Variants in DMD observed in about 807,000 individuals in gnomAD.
DMD encodes dystrophin.
DMD carries 63 observed loss-of-function variants against 330.1 expected under a neutral mutation model. The ratio of observed to expected loss-of-function variants is 0.19; its 90% confidence interval spans 0.16 to 0.24. The LOEUF (loss-of-function observed/expected upper bound fraction) is 0.24, where lower values mean the gene tolerates loss of function less well. Ranked by LOEUF, DMD falls within the 10% of genes least tolerant of loss-of-function variation. DMD has a pLI of 1.00. For missense variants in DMD, 3,344 were observed against 2,684.1 expected (o/e 1.25, Z -5.43); for synonymous variants, 1,223 against 959.8 (o/e 1.27, Z -5.07).
intron 44 of DMD, among the ~76,000 whole-genome samples, chrX:32,043,680 T>G (rs1603623002): frequency 9.0e-6 from 1 of 111,561 alleles, no homozygotes; most frequent in East Asian, 2.8e-4. Context: ...TTAGATCAAT[T>G]TGAGAGAAAA....
intron 1 of DMD, among the ~76,000 whole-genome samples, chrX:33,268,114 C>G (rs1387834127): frequency 3.7e-5 from 4 of 109,272 alleles, no homozygotes; most frequent in Non-Finnish European, 7.6e-5. Context: ...CTCAGCCTCC[C>G]AAGTAGCTGG....
At chrX:32,104,670 A>T (rs1484573184) in intron 44 of DMD, among the ~76,000 whole-genome samples, 1 of 112,034 alleles carries the variant, frequency 8.9e-6, no homozygotes. Context: ...ATTTTAAAAT[A>T]CTTTGAAACG....
chrX:32,703,284 T>A (rs183872734), intron 7 of DMD, among the ~76,000 whole-genome samples: 15 of 111,800 alleles, frequency 1.3e-4, no homozygotes, highest in Admixed American at 3.8e-4. Context: ...TAAGATGTTA[T>A]GAAGCCCAAA....
At chrX:31,122,080 TTTTTCACCAGTTTCCA>T in intron 78 of DMD, 150 bp from the exon 79 acceptor site, 1 of 488,762 alleles carries the variant, frequency 2.0e-6, no homozygotes, top group Non-Finnish European at 3.5e-6. Context: ...CAAGGTTTGA[TTTTTCACCAGTTTCCA>T]GGAAGAAGCA....
intron 74 of DMD, among the ~76,000 whole-genome samples, chrX:31,160,767 AAC>A (rs1206533640): frequency 2.7e-5 from 3 of 111,704 alleles, no homozygotes; most frequent in African/African-American, 6.5e-5. Context: ...CATTTTAGGC[AAC>A]AGTGACCTTT....
At chrX:32,172,683 A>G (rs1206982044) in intron 44 of DMD, among the ~76,000 whole-genome samples, 6 of 111,923 alleles carry the variant, frequency 5.4e-5, no homozygotes, top group African/African-American at 1.6e-4. Context: ...GATTTTGCCC[A>G]TATGCCTAAC....
At chrX:32,732,920 C>A (rs774630444) in intron 7 of DMD, among the ~76,000 whole-genome samples, 5 of 110,967 alleles carry the variant, frequency 4.5e-5, no homozygotes, top group Non-Finnish European at 9.4e-5. Context: ...CAATATTAAC[C>A]TTAAATGTAA....
intron 53 of DMD, among the ~76,000 whole-genome samples, chrX:31,668,294 G>A (rs959944738): frequency 2.7e-5 from 3 of 110,320 alleles, no homozygotes; most frequent in Admixed American, 9.7e-5. Flanking sequence ...TGTATTTTTC[G>A]GTTACTTTTG....
intron 1 of DMD, among the ~76,000 whole-genome samples, chrX:33,124,847 A>G (rs1422216861): frequency 3.7e-5 from 4 of 108,199 alleles, no homozygotes; most frequent in African/African-American, 1.3e-4. Flanking sequence ...CAACATGGAG[A>G]AACTCCGTCT....
chrX:32,146,345 A>T (rs1268401458), intron 44 of DMD, among the ~76,000 whole-genome samples: 1 of 111,544 alleles, frequency 9.0e-6, no homozygotes, highest in Non-Finnish European at 1.9e-5. Flanking sequence ...AGACAGGGAG[A>T]GGGAGAGGGA....
At chrX:32,731,098 G>A (rs1052509634) in intron 7 of DMD, among the ~76,000 whole-genome samples, 13 of 112,139 alleles carry the variant, frequency 1.2e-4, no homozygotes, top group African/African-American at 4.2e-4. Context: ...GCCTCACTCG[G>A]GAAGTGCAAG....
intron 54 of DMD, among the ~76,000 whole-genome samples, chrX:31,631,833 GC>G (rs2079149101): frequency 8.9e-6 from 1 of 111,774 alleles, no homozygotes; most frequent in Non-Finnish European, 1.9e-5. Context: ...CAGTAATTGT[GC>G]CTGAATTGCT....
Position 32,456,578 on chromosome X carries a change from TTGTGTGTGTGTGTGTG to T in DMD, c.3433-1762_3433-1747del, listed in dbSNP as rs60876331. On this transcript the variant is annotated intron_variant, in intron 25 of 78. Transcript: ENST00000357033. ...AAAACTATACATTCACATACATACT[TTGTGTGTGTGTGTGTG>T]TGTGTGTGTGTGTGTGTGTGTGTAT... 4.8e-3 allele frequency among the ~76,000 whole-genome samples: 426 copies of T among 89,496 alleles called. 4 individuals carry two copies. Among genetic ancestry groups the T allele is most frequent in the East Asian group, 0.041 (112 of 2,717 alleles). The allele number at this position is 89,496 out of a possible 115,157, so 77.7% of individuals were successfully genotyped here. A position where few individuals can be genotyped will look rare whatever the true frequency, so the allele number is the denominator to read the frequency against.
At chrX:32,241,894 G>A (rs758018840) in intron 43 of DMD, among the ~76,000 whole-genome samples, 2 of 110,319 alleles carry the variant, frequency 1.8e-5, no homozygotes, top group Non-Finnish European at 3.8e-5. Context: ...TTTCCATAAG[G>A]CATATACCCA....
At chrX:31,906,070 G>T (rs1265035608) in intron 47 of DMD, among the ~76,000 whole-genome samples, 1 of 111,618 alleles carries the variant, frequency 9.0e-6, no homozygotes, top group Non-Finnish European at 1.9e-5. Context: ...GGAGATAATT[G>T]AATCACGGCG....
intron 44 of DMD, among the ~76,000 whole-genome samples, chrX:32,060,773 C>A (rs191843992): frequency 1.8e-5 from 2 of 111,555 alleles, no homozygotes; most frequent in East Asian, 2.8e-4. Flanking sequence ...AAAACCTAGT[C>A]TTTCCACTAA....
At chrX:31,272,046 G>C (rs902521655) in intron 62 of DMD, among the ~76,000 whole-genome samples, 12 of 111,177 alleles carry the variant, frequency 1.1e-4, no homozygotes, top group African/African-American at 3.6e-4. Flanking sequence ...TCTCTTTAGG[G>C]AGGCAGAGTA....
At chrX:33,060,962 A>G (rs762879492) in intron 1 of DMD, among the ~76,000 whole-genome samples, 60 of 112,547 alleles carry the variant, frequency 5.3e-4, no homozygotes, top group Non-Finnish European at 1.0e-3. Context: ...TTTAACTACA[A>G]AACATTTCAG....
At chrX:32,720,359 A>G (rs1569486145) in intron 7 of DMD, among the ~76,000 whole-genome samples, 1 of 111,793 alleles carries the variant, frequency 8.9e-6, no homozygotes, top group Non-Finnish European at 1.9e-5. Flanking sequence ...AACACATCTC[A>G]TTGCTCTTCT....
Sources: gnomAD v4.1 joint callset for allele counts (sites outside exome capture counted in the v4.1 genomes callset) on GRCh38, gnomAD v4.1.1 for gene constraint, MANE v1.5 for transcripts, NCBI Gene and HGNC (gene_info 2026-07-23, HGNC 2026-07-21) for gene names.